CHODL: variants seen among roughly 807,000 people sequenced by gnomAD.
CHODL encodes transmembrane protein MT75.
Under a neutral mutation model 34.5 loss-of-function variants are expected in CHODL, and 29 were observed. That is an observed-to-expected ratio of 0.84 (90% CI 0.63 to 1.15). The LOEUF is 1.15. Ranked by LOEUF, CHODL falls within the 50% of genes most tolerant of loss-of-function variation. CHODL has a pLI of 0.00. For synonymous variants in CHODL, 125 were observed against 116.1 expected (o/e 1.08, Z -0.49); for missense variants, 332 against 332.5 (o/e 1.00, Z 0.01).
At position 17,967,136 on chromosome 21, in the gene CHODL, C is replaced by T. The variant is rs527376836; in HGVS notation, c.-145+49736C>T. ...TTGACCTCTAGTGATGTGCCCACCTCGACCTCTCAAACTGCTGGGATTATA... is the reference window on the plus strand; with the variant it reads ...TTGACCTCTAGTGATGTGCCCACCTTGACCTCTCAAACTGCTGGGATTATA... On this transcript the variant is annotated intron_variant, in intron 1 of 6. Coordinates refer to the CHODL transcript ENST00000400127. Among the ~76,000 whole-genome samples, 90 of 152,074 alleles carry T rather than the reference C, an allele frequency of 5.9e-4. 2 individuals carry two copies. In the South Asian group the frequency reaches 0.018, roughly 30 times the overall value.
intron 2 of CHODL, among the ~76,000 whole-genome samples, chr21:18,038,270 A>G (rs1285679846): frequency 6.6e-6 from 1 of 151,712 alleles, no homozygotes; most frequent in East Asian, 1.9e-4. Flanking sequence ...CAATAGAAAG[A>G]CATTCCCAAT....
intron 2 of CHODL, among the ~76,000 whole-genome samples, chr21:18,055,736 A>G (rs1043163455): frequency 6.6e-6 from 1 of 152,050 alleles, no homozygotes; most frequent in African/African-American, 2.4e-5. Flanking sequence ...CTCAGGGCTA[A>G]GTCAATACCA....
chr21:18,161,810 C>G (rs2073098807), intron 2 of CHODL, among the ~76,000 whole-genome samples: 1 of 152,180 alleles, frequency 6.6e-6, no homozygotes, highest in African/African-American at 2.4e-5. Flanking sequence ...TCACTCTTGC[C>G]TTGTCTACAT....
At chr21:18,225,039 G>A (rs2073918691) in intron 2 of CHODL, among the ~76,000 whole-genome samples, 1 of 152,080 alleles carries the variant, frequency 6.6e-6, no homozygotes, top group Admixed American at 6.6e-5. Flanking sequence ...TGTGTTTCCT[G>A]TGTGTACAGT....
At chr21:18,072,679 C>A (rs958293926) in intron 2 of CHODL, among the ~76,000 whole-genome samples, 1 of 151,686 alleles carries the variant, frequency 6.6e-6, no homozygotes, top group Non-Finnish European at 1.5e-5. Flanking sequence ...AAAAAAAAAC[C>A]CATGGATGAG....
At chr21:17,978,533 AC>A (rs2063687401) in intron 1 of CHODL, among the ~76,000 whole-genome samples, 1 of 150,862 alleles carries the variant, frequency 6.6e-6, no homozygotes, top group South Asian at 2.1e-4. Flanking sequence ...CCTGGCTAAC[AC>A]GATGAAACCC....
At chr21:18,252,846 G>A (rs1409645211) in intron 1 of CHODL, among the ~76,000 whole-genome samples, 3 of 151,926 alleles carry the variant, frequency 2.0e-5, no homozygotes, top group East Asian at 1.9e-4. Context: ...TCTCCCGACC[G>A]TGCAGCCATC....
intron 1 of CHODL, among the ~76,000 whole-genome samples, chr21:17,948,735 A>G (rs974554060): frequency 3.3e-5 from 5 of 152,168 alleles, no homozygotes; most frequent in Admixed American, 1.3e-4. Flanking sequence ...TGGACCAATA[A>G]TGAGTAATAA....
In CHODL at chr21:18,266,332, G is replaced by A; in HGVS notation, c.*294G>A. The A allele has an allele frequency of 1.3e-6, 1 of 745,590 alleles. No homozygotes were observed. The allele number at this position is 745,590 out of a possible 1,614,324, so 46.2% of individuals were successfully genotyped here. On this transcript the variant is annotated 3_prime_UTR_variant, in exon 6 of 6. Transcript: ENST00000299295. ...TAAAGTTGTTATCAACACGTCGGGAGTATGTGTGTTAGAAGCAATTCCTTT... is the reference window on the plus strand; with the variant it reads ...TAAAGTTGTTATCAACACGTCGGGAATATGTGTGTTAGAAGCAATTCCTTT...
chr21:18,135,487 C>T (rs1479695392), intron 2 of CHODL, among the ~76,000 whole-genome samples: 1 of 152,158 alleles, frequency 6.6e-6, no homozygotes, highest in African/African-American at 2.4e-5. Context: ...TTTCCAGCTC[C>T]AATCCACAGA....
At position 18,201,301 on chromosome 21, in the gene CHODL, G is replaced by A. The variant is rs935036570; in HGVS notation, c.-44-55208G>A. Among the ~76,000 whole-genome samples, 5 of 151,890 alleles carry A rather than the reference G, an allele frequency of 3.3e-5. No individual in the cohort carries two copies. In the East Asian group the frequency reaches 9.6e-4, roughly 29 times the overall value. ...TTTTAGGGCTTAGATTTTATAAATG[G>A]GGAATTGTTAAAATGTTCATATAAA... On this transcript the variant is annotated intron_variant, in intron 2 of 6. Transcript: ENST00000400127.
At chr21:18,250,778 T>C (rs11911464) in intron 1 of CHODL, among the ~76,000 whole-genome samples, 6,296 of 151,938 alleles carry the variant, frequency 0.041, 416 homozygotes, top group African/African-American at 0.14. Flanking sequence ...AAAAAATATC[T>C]TGTGTGATTC....
chr21:18,158,820 G>C (rs138175006), intron 2 of CHODL, among the ~76,000 whole-genome samples: 2 of 133,112 alleles, frequency 1.5e-5, no homozygotes, highest in South Asian at 4.7e-4. Context: ...CCTGGGCAAC[G>C]AGAGTGAAAC....
At chr21:18,105,071 T>C (rs927612415) in intron 2 of CHODL, among the ~76,000 whole-genome samples, 1 of 152,218 alleles carries the variant, frequency 6.6e-6, no homozygotes, top group Non-Finnish European at 1.5e-5. Context: ...AATAGGAAGC[T>C]GGAAAGGGTA....
At chr21:18,000,884 T>C (rs2063899204) in intron 1 of CHODL, among the ~76,000 whole-genome samples, 2 of 152,242 alleles carry the variant, frequency 1.3e-5, no homozygotes, top group African/African-American at 4.8e-5. Flanking sequence ...TTCTTTTTTT[T>C]TCCTGAGATA....
chr21:18,077,641 G>C (rs1289077502), intron 2 of CHODL, among the ~76,000 whole-genome samples: 1 of 152,158 alleles, frequency 6.6e-6, no homozygotes, highest in Non-Finnish European at 1.5e-5. Flanking sequence ...AGAGACTCCA[G>C]AGAGCTCCTT....
intron 2 of CHODL, among the ~76,000 whole-genome samples, chr21:18,218,810 G>A (rs899642366): frequency 1.3e-5 from 2 of 152,140 alleles, no homozygotes; most frequent in Non-Finnish European, 2.9e-5. Context: ...CATAGCAAGA[G>A]CAACCTTTAC....
chr21:18,046,634 A>T (rs533590146), intron 2 of CHODL, among the ~76,000 whole-genome samples: 26 of 152,116 alleles, frequency 1.7e-4, no homozygotes, highest in African/African-American at 4.6e-4. Context: ...GTAGAACATA[A>T]TTAAGGTTTA....
At chr21:17,926,528 G>A (rs1233311282) in intron 1 of CHODL, among the ~76,000 whole-genome samples, 1 of 152,128 alleles carries the variant, frequency 6.6e-6, no homozygotes, top group African/African-American at 2.4e-5. Flanking sequence ...AATCATGGCA[G>A]AAGGCAAAGG....
Sources: gnomAD v4.1 joint callset for allele counts (sites outside exome capture counted in the v4.1 genomes callset) on GRCh38, gnomAD v4.1.1 for gene constraint, MANE v1.5 for transcripts, NCBI Gene and HGNC (gene_info 2026-07-23, HGNC 2026-07-21) for gene names.